ANKRD46: variants seen among roughly 807,000 people sequenced by gnomAD.
ANKRD46 encodes the protein ankyrin repeat domain 46.
A neutral mutation model predicts 19.8 loss-of-function variants in ANKRD46; 13 were observed. The observed-to-expected ratio is 0.66, with a 90% CI of 0.43 to 1.04. The LOEUF (loss-of-function observed/expected upper bound fraction) is 1.04. ANKRD46 is among the 50% of genes least tolerant of loss of function. The pLI, the probability that ANKRD46 is intolerant of heterozygous loss-of-function variation, is 0.00. For synonymous variants in ANKRD46, 91 were observed against 106.9 expected (o/e 0.85, Z 0.92); for missense variants, 185 against 274.8 (o/e 0.67, Z 2.31).
At position 100,524,560 on chromosome 8, in the gene ANKRD46, C is replaced by A. The variant is rs1811801620; in HGVS notation, c.471-1789G>T. ...TTCTCTGAATAAGAGATGATGTTTTCAGTGGGAATCTACAACACCACAGTA... is the reference window on the plus strand; with the variant it reads ...TTCTCTGAATAAGAGATGATGTTTTAAGTGGGAATCTACAACACCACAGTA... On this transcript the variant is annotated intron_variant, in intron 4 of 4. Transcript: ENST00000335659. The surrounding 1 kb of genome is among the most constrained non-coding windows in gnomAD (Gnocchi z 4.3). Among the ~76,000 whole-genome samples the A allele has an allele frequency of 6.6e-6, 1 of 151,334 alleles. No individual in the cohort carries two copies. The highest frequency in any genetic ancestry group is 6.6e-5 in the Admixed American group (1 of 15,192).
Position 100,525,319 on chromosome 8 carries a change from A to G in ANKRD46, c.470+2526T>C, listed in dbSNP as rs986576336. Among the ~76,000 whole-genome samples, 3 of 152,168 alleles carry G rather than the reference A, an allele frequency of 2.0e-5. No homozygotes were observed. Among genetic ancestry groups the G allele is most frequent in the African/African-American group, 7.2e-5 (3 of 41,440 alleles). On this transcript the variant is annotated intron_variant, in intron 4 of 4. Transcript: ENST00000335659. The surrounding 1 kb of genome is among the most constrained non-coding windows in gnomAD (Gnocchi z 4.4). ...TGTACAATTCAGTGGCTTTTCATAT[A>G]TTCCCCAAATTGTACAACCATCTCT... is the stretch of plus-strand genomic sequence containing the variant.
chr8:100,552,996 A>G (rs1316998114), intron 1 of ANKRD46, among the ~76,000 whole-genome samples: 1 of 152,244 alleles, frequency 6.6e-6, no homozygotes, highest in East Asian at 1.9e-4. Flanking sequence ...CACATGTTTC[A>G]GCAAAAGACA....
chr8:100,527,795 T>G lies in ANKRD46; in HGVS notation c.470+50A>C. 1 of 1,534,842 alleles carries G rather than the reference T, an allele frequency of 6.5e-7. No individual in the cohort carries two copies. Among genetic ancestry groups the G allele is most frequent in the Non-Finnish European group, 8.8e-7 (1 of 1,138,322 alleles). On this transcript the variant is annotated intron_variant, in intron 4 of 4. Coordinates refer to ENST00000335659, the MANE Select transcript of ANKRD46 (RefSeq NM_001270377.2). The surrounding 1 kb of genome is among the most constrained non-coding windows in gnomAD (Gnocchi z 4.0). ...CAGGAAGAATGCTTGAGCCCAGGAG[T>G]TCAAGGAATGAGTAATACAGTGAGA...
Position 100,510,371 on chromosome 8 carries a change from A to G in ANKRD46, c.*206T>C. On this transcript the variant is annotated 3_prime_UTR_variant, in exon 6 of 6. Transcript: ENST00000520552. The surrounding 1 kb of genome is among the most constrained non-coding windows in gnomAD (Gnocchi z 4.9). ...GGATCTGGGAGGCCAGGAAGACAGC[A>G]GGTGCCCGGGCTGCCTGCAGGGCAG... The G allele has an allele frequency of 1.6e-5, 7 of 428,936 alleles. No homozygotes were observed. Among genetic ancestry groups the G allele is most frequent in the Non-Finnish European group, 2.5e-5 (6 of 244,150 alleles). The allele number at this position is 428,936 out of a possible 1,614,324, so 26.6% of individuals were successfully genotyped here. A position where few individuals can be genotyped will look rare whatever the true frequency, so the allele number is the denominator to read the frequency against.
rs1193770361 is a variant in ANKRD46, at chr8:100,550,362, A to C, written c.-131+9349T>G. Among the ~76,000 whole-genome samples the C allele has an allele frequency of 1.3e-5, 2 of 152,184 alleles. No individual in the cohort carries two copies. Among genetic ancestry groups the C allele is most frequent in the African/African-American group, 4.8e-5 (2 of 41,452 alleles). ...GTTCTAGATTTTAGTTAGCCATTTT[A>C]GTAAGTGTGTAGTGGGATCTCATTG... On this transcript the variant is annotated intron_variant, in intron 1 of 4. Transcript: ENST00000335659. This position sits in a 1 kb window ranked among gnomAD's most constrained non-coding sequence, Gnocchi z 4.4.
intron 3 of ANKRD46, 123 bp from the exon 4 acceptor site, chr8:100,528,126 C>T: frequency 9.3e-7 from 1 of 1,073,582 alleles, no homozygotes. Context: ...AAGAATGGGC[C>T]CAATTAGGGC....
rs1272166294 is a variant in ANKRD46 at position 100,511,881 on chromosome 8, T to C, written c.637-1242A>G. ...CTCTACTAAAAATACAAAAATTAGCTGGGTGGGGTGGTGCATGCCTGTAAC... is the reference window on the plus strand; with the variant it reads ...CTCTACTAAAAATACAAAAATTAGCCGGGTGGGGTGGTGCATGCCTGTAAC... On this transcript the variant is annotated intron_variant, in intron 5 of 5. Transcript: ENST00000520552. This position sits in a 1 kb window ranked among gnomAD's most constrained non-coding sequence, Gnocchi z 4.1. Among the ~76,000 whole-genome samples, 1 of 152,056 alleles carries C rather than the reference T, an allele frequency of 6.6e-6. No individual in the cohort carries two copies. The highest frequency in any genetic ancestry group is 1.5e-5 in the Non-Finnish European group (1 of 68,008).
In ANKRD46 at chr8:100,545,810, T is replaced by C. The variant is rs552957117; in HGVS notation, c.-130-12499A>G. Among the ~76,000 whole-genome samples the C allele has an allele frequency of 3.9e-5, 6 of 152,274 alleles. No homozygotes were observed. Among genetic ancestry groups the C allele is most frequent in the African/African-American group, 1.4e-4 (6 of 41,546 alleles). ...GACAATGAAATCAAGGCTGAGGTGG[T>C]CTCAGAAAGAGATGAGGGACTTTTT... On this transcript the variant is annotated intron_variant, in intron 1 of 4. Coordinates refer to ENST00000335659, the MANE Select transcript of ANKRD46 (RefSeq NM_001270377.2). The surrounding 1 kb of genome is among the most constrained non-coding windows in gnomAD (Gnocchi z 4.7).
At chr8:100,538,501 A>G (rs1184888817) in intron 1 of ANKRD46, among the ~76,000 whole-genome samples, 1 of 152,162 alleles carries the variant, frequency 6.6e-6, no homozygotes, top group Non-Finnish European at 1.5e-5. Context: ...TGCAAATACC[A>G]TATCATTCTG....
intron 5 of ANKRD46, among the ~76,000 whole-genome samples, chr8:100,513,032 A>C (rs1309212218): frequency 6.6e-6 from 1 of 152,336 alleles, no homozygotes; most frequent in East Asian, 1.9e-4. Flanking sequence ...GGGTCTTATA[A>C]GGCCACTGCT....
intron 1 of ANKRD46, among the ~76,000 whole-genome samples, chr8:100,558,716 A>T (rs534310277): frequency 1.3e-5 from 2 of 152,210 alleles, no homozygotes; most frequent in Non-Finnish European, 2.9e-5. Context: ...ACGCAGGGAT[A>T]CTGAAGTAAG....
chr8:100,520,502 C>T (rs897274362), downstream of ANKRD46, among the ~76,000 whole-genome samples: 7 of 151,874 alleles, frequency 4.6e-5, no homozygotes, highest in African/African-American at 1.2e-4. Flanking sequence ...CTCAAGGGGG[C>T]GTAGGGTAAA....
rs1811542183 is a variant in ANKRD46, at chr8:100,511,121, T to C, written c.637-482A>G. 1.3e-5 allele frequency among the ~76,000 whole-genome samples: 2 copies of C among 152,324 alleles called. No individual in the cohort carries two copies. Among genetic ancestry groups the C allele is most frequent in the Admixed American group, 6.5e-5 (1 of 15,300 alleles). ...GAGCTGCTGTGCACCAACAACAGTGTTGAGCGGCTTACACATCGCAGCTGA... is the reference window on the plus strand; with the variant it reads ...GAGCTGCTGTGCACCAACAACAGTGCTGAGCGGCTTACACATCGCAGCTGA... On this transcript the variant is annotated intron_variant, in intron 5 of 5. Coordinates refer to the ANKRD46 transcript ENST00000520552. This position sits in a 1 kb window ranked among gnomAD's most constrained non-coding sequence, Gnocchi z 4.1.
rs1043948906 is a variant in ANKRD46 at position 100,533,330 on chromosome 8, T to G, written c.-130-19A>C. 2.0e-5 allele frequency: 3 copies of G among 152,178 alleles called. No homozygotes were observed. The highest frequency in any genetic ancestry group is 7.2e-5 in the African/African-American group (3 of 41,436). 9.4% of individuals were successfully genotyped at this position (152,178 alleles called of 1,614,324 possible). On this transcript the variant is annotated intron_variant, in intron 1 of 4. Transcript: ENST00000335659. The stretch of plus-strand genomic sequence containing the variant: ...CAAGGATCTACAGTAAATAGAAAAT[T>G]AAGTTATAATAGAAGTGTGGTGAGA...
At chr8:100,556,945 C>T (rs751841440) in intron 1 of ANKRD46, 6 of 152,130 alleles carry the variant, frequency 3.9e-5, no homozygotes, top group African/African-American at 9.7e-5. Flanking sequence ...ATCTCATAGG[C>T]TCATGGCTTT....
chr8:100,551,451 C>A, intron 1 of ANKRD46: 1 of 670,356 alleles, frequency 1.5e-6, no homozygotes, highest in Non-Finnish European at 2.8e-6. Flanking sequence ...GCTTCAGCAT[C>A]ACCCCATTTG....
intron 1 of ANKRD46, among the ~76,000 whole-genome samples, chr8:100,548,889 T>C (rs1439998002): frequency 1.3e-5 from 2 of 152,158 alleles, no homozygotes; most frequent in Non-Finnish European, 2.9e-5. Context: ...GTCTGAGAAA[T>C]AGGAATATTT....
Position 100,527,812 on chromosome 8 carries a change from A to G in ANKRD46, c.470+33T>C. 1.2e-6 allele frequency: 2 copies of G among 1,602,582 alleles called. No individual in the cohort carries two copies. The highest frequency in any genetic ancestry group is 1.7e-6 in the Non-Finnish European group (2 of 1,174,412). ...CCCAGGAGTTCAAGGAATGAGTAAT[A>G]CAGTGAGAAAAAAAAAGTTGTATCT... On this transcript the variant is annotated intron_variant, in intron 4 of 4. Transcript: ENST00000335659. This position sits in a 1 kb window ranked among gnomAD's most constrained non-coding sequence, Gnocchi z 4.0.
At chr8:100,535,790 A>G (rs1187047580) in intron 1 of ANKRD46, among the ~76,000 whole-genome samples, 1 of 152,196 alleles carries the variant, frequency 6.6e-6, no homozygotes, top group Non-Finnish European at 1.5e-5. Flanking sequence ...GTACCACAAT[A>G]TAACAGTTCA....
Sources: gnomAD v4.1 joint callset for allele counts (sites outside exome capture counted in the v4.1 genomes callset) on GRCh38, gnomAD v4.1.1 for gene constraint, Gnocchi (gnomAD v3.1) non-coding constraint, MANE v1.5 for transcripts, NCBI Gene and HGNC (gene_info 2026-07-23, HGNC 2026-07-21) for gene names.